APTX: variants seen among roughly 807,000 people sequenced by gnomAD.
APTX encodes the protein forkhead-associated domain histidine triad-like protein.
Under a neutral mutation model 42.3 loss-of-function variants are expected in APTX, and 33 were observed. That is an observed-to-expected ratio of 0.78 (90% CI 0.59 to 1.04). APTX has a LOEUF of 1.04. Ranked by LOEUF, APTX falls within the 50% of genes least tolerant of loss-of-function variation. The probability of loss-of-function intolerance (pLI) is 0.00; values close to 1 mark genes in which losing one functional copy is unlikely to be tolerated. For synonymous variants in APTX, 130 were observed against 146.7 expected (o/e 0.89, Z 0.82); for missense variants, 421 against 415.1 (o/e 1.01, Z -0.12).
rs79075039 is a variant in APTX at position 32,977,186 on chromosome 9, A to G, written c.771-2625T>C. On this transcript the variant is annotated intron_variant, in intron 6 of 7. Coordinates refer to ENST00000379817, the MANE Select transcript of APTX (RefSeq NM_001195248.2). ...CAGAATTTTAATTGATAAAAGTTTC[A>G]TATCAATTTATAAAAATGACCCAAG... Among the ~76,000 whole-genome samples, 398 of 152,346 alleles carry G rather than the reference A, an allele frequency of 2.6e-3. 3 individuals are homozygous for G. In the East Asian group the frequency reaches 0.064, roughly 24 times the overall value.
At chr9:33,024,184 T>A (rs922488075) in intron 1 of APTX, among the ~76,000 whole-genome samples, 1 of 152,238 alleles carries the variant, frequency 6.6e-6, no homozygotes, top group African/African-American at 2.4e-5. Context: ...CAGTTCTGTT[T>A]TTGTTTTAAA....
At chr9:33,004,629 C>T (rs10971295), upstream of APTX, among the ~76,000 whole-genome samples, 1 of 140,932 alleles carries the variant, frequency 7.1e-6, no homozygotes. Flanking sequence ...TCTTGCCAAC[C>T]CTTTTTTTTT....
At chr9:32,982,195 T>G (rs927338334) in intron 6 of APTX, among the ~76,000 whole-genome samples, 1 of 151,978 alleles carries the variant, frequency 6.6e-6, no homozygotes, top group Non-Finnish European at 1.5e-5. Flanking sequence ...AAAACAAAAT[T>G]AGACAAACCC....
intron 1 of APTX, among the ~76,000 whole-genome samples, chr9:33,009,795 A>T (rs964621484): frequency 2.0e-5 from 3 of 151,910 alleles, no homozygotes; most frequent in African/African-American, 7.2e-5. Flanking sequence ...TCTAAAAAAA[A>T]TAATAATAAA....
chr9:33,015,678 T>A (rs1837848491), intron 1 of APTX, among the ~76,000 whole-genome samples: 1 of 152,204 alleles, frequency 6.6e-6, no homozygotes, highest in Non-Finnish European at 1.5e-5. Context: ...TTGTTCTGTG[T>A]TTTGCTGAGA....
chr9:32,972,668 C>G lies in APTX; in HGVS notation c.*830G>C. ...AAAAGAAAGTAGTGGCTCTACGCAACTTTTTCATTCACCAACCACCTTTCC... is the reference window on the plus strand; with the variant it reads ...AAAAGAAAGTAGTGGCTCTACGCAAGTTTTTCATTCACCAACCACCTTTCC... On this transcript the variant is annotated 3_prime_UTR_variant, in exon 8 of 8. Coordinates refer to ENST00000379817, the MANE Select transcript of APTX (RefSeq NM_001195248.2). The G allele has an allele frequency of 2.3e-6, 1 of 435,792 alleles. No individual in the cohort carries two copies. The highest frequency in any genetic ancestry group is 4.6e-6 in the Non-Finnish European group (1 of 217,590). 27.0% of individuals were successfully genotyped at this position (435,792 alleles called of 1,614,324 possible). A position where few individuals can be genotyped will look rare whatever the true frequency, so the allele number is the denominator to read the frequency against.
At chr9:32,983,161 A>G (rs1831100745) in intron 6 of APTX, among the ~76,000 whole-genome samples, 1 of 152,030 alleles carries the variant, frequency 6.6e-6, no homozygotes, top group African/African-American at 2.4e-5. Context: ...GGATCCCTAA[A>G]TATTTACTCA....
At chr9:32,985,395 T>C (rs1888866) in intron 5 of APTX, among the ~76,000 whole-genome samples, 142,054 of 148,342 alleles carry the variant, frequency 0.96, 68,273 homozygotes, top group East Asian at 1. Context: ...AGTACAATGG[T>C]GCAATCTCAG....
At chr9:33,014,055 A>T (rs1837728917) in intron 1 of APTX, among the ~76,000 whole-genome samples, 1 of 152,222 alleles carries the variant, frequency 6.6e-6, no homozygotes, top group Non-Finnish European at 1.5e-5. Context: ...AATTCAGTGC[A>T]GAGTCCCTTT....
intron 6 of APTX, among the ~76,000 whole-genome samples, chr9:32,977,590 G>T (rs1829739247): frequency 6.6e-6 from 1 of 151,878 alleles, no homozygotes; most frequent in Non-Finnish European, 1.5e-5. Context: ...CAGTACTTTG[G>T]GGGGCCAAGG....
intron 1 of APTX, among the ~76,000 whole-genome samples, chr9:33,021,760 A>G (rs1838401266): frequency 6.6e-6 from 1 of 152,170 alleles, no homozygotes; most frequent in South Asian, 2.1e-4. Flanking sequence ...AATAAAGATC[A>G]GTTACTTACA....
intron 1 of APTX, among the ~76,000 whole-genome samples, chr9:33,014,683 A>G (rs1837772842): frequency 6.6e-6 from 1 of 152,244 alleles, no homozygotes; most frequent in Non-Finnish European, 1.5e-5. Context: ...TATGCCAATT[A>G]CTATACTAGG....
In APTX at chr9:32,973,445, C is replaced by A; in HGVS notation, c.*53G>T. The A allele has an allele frequency of 6.3e-7, 1 of 1,595,648 alleles. No individual in the cohort carries two copies. The highest frequency in any genetic ancestry group is 8.6e-7 in the Non-Finnish European group (1 of 1,164,756). ...TTCACAAGCAACCCAGAATAGGTGC[C>A]AGCAGTTTGCTCCAGTGGGCCACAC... is the stretch of plus-strand genomic sequence containing the variant. On this transcript the variant is annotated 3_prime_UTR_variant, in exon 8 of 8. Coordinates refer to ENST00000379817, the MANE Select transcript of APTX (RefSeq NM_001195248.2).
intron 1 of APTX, among the ~76,000 whole-genome samples, chr9:32,994,193 G>A (rs1352320383): frequency 6.6e-6 from 1 of 152,198 alleles, no homozygotes; most frequent in Non-Finnish European, 1.5e-5. Context: ...AACCTGAACT[G>A]TCCAATAAAT....
At chr9:33,005,110 G>C (rs1223017030), upstream of APTX, among the ~76,000 whole-genome samples, 1 of 151,800 alleles carries the variant, frequency 6.6e-6, no homozygotes, top group African/African-American at 2.4e-5. Context: ...TTTTTTAATG[G>C]GGTTATTTTT....
chr9:33,005,067 T>C (rs555256569), upstream of APTX, among the ~76,000 whole-genome samples: 1 of 152,322 alleles, frequency 6.6e-6, no homozygotes, highest in Admixed American at 6.5e-5. Context: ...TCTATTTGTA[T>C]GTATTTGGAG....
At chr9:32,974,769 C>A (rs564648399) in intron 6 of APTX, among the ~76,000 whole-genome samples, 1 of 152,112 alleles carries the variant, frequency 6.6e-6, no homozygotes, top group South Asian at 2.1e-4. Context: ...TGTACTATGG[C>A]CAAACACTGT....
chr9:32,988,509 T>C (rs1423401260), intron 2 of APTX, among the ~76,000 whole-genome samples: 1 of 151,494 alleles, frequency 6.6e-6, no homozygotes, highest in Admixed American at 6.6e-5. Flanking sequence ...CAATACCCCG[T>C]CTCTACAAAA....
At chr9:33,004,784 C>T (rs1360468292), upstream of APTX, among the ~76,000 whole-genome samples, 1 of 151,384 alleles carries the variant, frequency 6.6e-6, no homozygotes, top group Non-Finnish European at 1.5e-5. Flanking sequence ...AGGTGCCTGC[C>T]ACCACACCCG....
Sources: allele counts gnomAD v4.1 joint callset (sites outside exome capture counted in the v4.1 genomes callset), GRCh38; gene constraint gnomAD v4.1.1; transcripts MANE v1.5; gene names NCBI Gene and HGNC (gene_info 2026-07-23, HGNC 2026-07-21).